The following PLPPR4 variants were observed in gnomAD, a reference collection of about 807,000 sequenced individuals.
PLPPR4 encodes the protein phospholipid phosphatase-related protein type 4.
PLPPR4 carries 24 observed loss-of-function variants against 56.6 expected under a neutral mutation model. The observed-to-expected ratio is 0.42, with a 90% CI of 0.31 to 0.60. The LOEUF is 0.60. PLPPR4 is among the 20% of genes least tolerant of loss of function. The probability of loss-of-function intolerance (pLI) is 0.13; values close to 1 mark genes in which losing one functional copy is unlikely to be tolerated. For synonymous variants in PLPPR4, 326 were observed against 328.1 expected (o/e 0.99, Z 0.07); for missense variants, 654 against 885.8 (o/e 0.74, Z 3.32).
At chr1:99,304,768 AGTG>A (rs1659976884) in intron 6 of PLPPR4, among the ~76,000 whole-genome samples, 1 of 152,216 alleles carries the variant, frequency 6.6e-6, no homozygotes, top group Admixed American at 6.5e-5. Flanking sequence ...AATAGTAGAC[AGTG>A]GTTACCGCCT....
Position 99,305,868 on chromosome 1 carries a change from A to G in PLPPR4, c.1006A>G (p.Ser336Gly), listed in dbSNP as rs749854071. Residue 336 changes from serine (S) to glycine (G), a missense_variant, in exon 7 of 7, where the codon AGC (serine) becomes GGC (glycine). By Grantham distance (56) the Ser-to-Gly change is moderately conservative. Coordinates refer to ENST00000370185, the MANE Select transcript of PLPPR4 (RefSeq NM_014839.5). ...CCTCAACCGAAACCACAGAGATGCT[A>G]GCTCTCTGACAAATCTCAAAAGAGC... The part of the protein sequence containing the change: ...GILNRNHRDA[S>G]SLTNLKRANA... The G allele has an allele frequency of 3.1e-6, 5 of 1,614,050 alleles. No individual in the cohort carries two copies. The highest frequency in any genetic ancestry group is 4.2e-6 in the Non-Finnish European group (5 of 1,179,906).
intron 1 of PLPPR4, among the ~76,000 whole-genome samples, chr1:99,279,006 T>C (rs1226526094): frequency 6.6e-6 from 1 of 152,198 alleles, no homozygotes; most frequent in East Asian, 1.9e-4. Context: ...TGTGGTAGAA[T>C]AAATGAAGAT....
Position 99,308,449 on chromosome 1 carries a change from G to A in PLPPR4, c.*1439G>A, listed in dbSNP as rs2100815947. 1 of 152,590 alleles carries A rather than the reference G, an allele frequency of 6.6e-6. No individual in the cohort carries two copies. Among genetic ancestry groups the A allele is most frequent in the Admixed American group, 6.5e-5 (1 of 15,280 alleles). 9.5% of individuals were successfully genotyped at this position (152,590 alleles called of 1,614,324 possible). A position where few individuals can be genotyped will look rare whatever the true frequency, so the allele number is the denominator to read the frequency against. On this transcript the variant is annotated 3_prime_UTR_variant, in exon 7 of 7. Coordinates refer to ENST00000370185, the MANE Select transcript of PLPPR4 (RefSeq NM_014839.5). The stretch of plus-strand genomic sequence containing the variant: ...GAAGAAGATAAAAACAAAATATTTT[G>A]GAGTGTTTTCCAACTTAAAGTATGA...
chr1:99,286,983 G>A (rs1344882957), intron 1 of PLPPR4, among the ~76,000 whole-genome samples: 1 of 152,108 alleles, frequency 6.6e-6, no homozygotes, highest in Non-Finnish European at 1.5e-5. Flanking sequence ...ATAAGCATAT[G>A]TGTGCCATAG....
intron 1 of PLPPR4, among the ~76,000 whole-genome samples, chr1:99,287,230 T>A (rs1031525028): frequency 1.3e-5 from 2 of 149,644 alleles, no homozygotes; most frequent in African/African-American, 4.9e-5. Flanking sequence ...TTCCTCTTTA[T>A]GGGTGCATAG....
At chr1:99,265,612 C>G (rs1289105438) in intron 1 of PLPPR4, among the ~76,000 whole-genome samples, 1 of 152,168 alleles carries the variant, frequency 6.6e-6, no homozygotes, top group Non-Finnish European at 1.5e-5. Flanking sequence ...AGGCACAAAA[C>G]TATATTCTGT....
At chr1:99,303,114 C>CTGTTGT (rs145380521) in intron 6 of PLPPR4, among the ~76,000 whole-genome samples, 2 of 151,962 alleles carry the variant, frequency 1.3e-5, no homozygotes, top group Non-Finnish European at 2.9e-5. Context: ...ATGTGTGTAG[C>CTGTTGT]TGTTGTTGTT....
rs746502889 is a variant in PLPPR4, at chr1:99,301,731, T to A, written c.656T>A (p.Phe219Tyr). 6.2e-7 allele frequency: 1 copy of A among 1,603,662 alleles called. No individual in the cohort carries two copies. Among genetic ancestry groups the A allele is most frequent in the South Asian group, 1.1e-5 (1 of 89,344 alleles). The stretch of plus-strand genomic sequence containing the variant: ...ATTTCTTCCATTTTTAAGATGTACT[T>A]CAATTCCACATTAACGGATTCCTCT... ...AFAAVYVSMY[F>Y]NSTLTDSSKL... Residue 219 changes from phenylalanine (F) to tyrosine (Y), a missense_variant, in exon 6 of 7, where the codon TTC becomes TAC. Around this residue, in one of 2 missense-constraint regions of PLPPR4, gnomAD observed 186 missense variants for 331.4 expected, o/e 0.56. Transcript: ENST00000370185.
intron 4 of PLPPR4, among the ~76,000 whole-genome samples, chr1:99,299,617 A>G (rs906181494): frequency 6.6e-6 from 1 of 151,836 alleles, no homozygotes; most frequent in African/African-American, 2.4e-5. Context: ...TGAAAGTTAT[A>G]TCTCCATTAT....
intron 1 of PLPPR4, among the ~76,000 whole-genome samples, chr1:99,266,442 G>T (rs1205817162): frequency 6.6e-6 from 1 of 152,228 alleles, no homozygotes; most frequent in Non-Finnish European, 1.5e-5. Flanking sequence ...CGCTTTTGAG[G>T]CATCTTTAAC....
At chr1:99,269,995 TTTTG>T (rs1467236038) in intron 1 of PLPPR4, among the ~76,000 whole-genome samples, 55 of 125,838 alleles carry the variant, frequency 4.4e-4, no homozygotes, top group Middle Eastern at 3.6e-3. Flanking sequence ...TTTTCATTCC[TTTTG>T]TGTGTGTGTG....
intron 1 of PLPPR4, among the ~76,000 whole-genome samples, chr1:99,271,466 G>A (rs1557773096): frequency 6.6e-6 from 1 of 152,154 alleles, no homozygotes; most frequent in Non-Finnish European, 1.5e-5. Flanking sequence ...CCCTGTCTGT[G>A]CTGTGACTTG....
rs776974412 is a variant in PLPPR4, at chr1:99,301,861, T to C, written c.786T>C (p.Cys262=). The C allele has an allele frequency of 1.1e-5, 18 of 1,611,898 alleles. No individual in the cohort carries two copies. The highest frequency in any genetic ancestry group is 1.5e-5 in the Non-Finnish European group (18 of 1,178,568). ...QYKNHPVDVY[C]GFLIGGGIAL... is the part of the protein sequence containing the mutation. ...AGAACCACCCAGTTGATGTCTATTG[T>C]GGCTTTTTAATAGGAGGAGGAATTG... The change falls in exon 6 of 7, where the codon TGT becomes TGC. Residue 262 remains cysteine (C), a synonymous_variant. Coordinates refer to ENST00000370185, the MANE Select transcript of PLPPR4 (RefSeq NM_014839.5).
In PLPPR4 at chr1:99,264,613, C is replaced by A. The variant is rs1279329323; in HGVS notation, c.20C>A (p.Pro7Gln). 1.3e-6 allele frequency: 2 copies of A among 1,550,584 alleles called. No homozygotes were observed. The highest frequency in any genetic ancestry group is 1.7e-6 in the Non-Finnish European group (2 of 1,146,990). Residue 7 changes from proline (P) to glutamine (Q), a missense_variant, in exon 1 of 7, where the codon CCA becomes CAA. Pro to Gln is a moderately conservative substitution (Grantham distance 76). Coordinates refer to ENST00000370185, the MANE Select transcript of PLPPR4 (RefSeq NM_014839.5). Reference protein sequence around the residue: MSAKERPKGKVIKDSVT... With the variant: MSAKERQKGKVIKDSVT... ...GCAGGGATGTCGGCGAAGGAGAGGC[C>A]AAAGGGCAAAGTGATCAAGGACAGC... is the stretch of plus-strand genomic sequence containing the variant.
intron 1 of PLPPR4, among the ~76,000 whole-genome samples, chr1:99,274,554 G>C (rs1349780939): frequency 6.6e-6 from 1 of 152,128 alleles, no homozygotes; most frequent in Non-Finnish European, 1.5e-5. Context: ...CAATGGTGGA[G>C]CAGTTTATTA....
At chr1:99,293,659 G>C (rs1029961367) in intron 2 of PLPPR4, among the ~76,000 whole-genome samples, 1 of 152,152 alleles carries the variant, frequency 6.6e-6, no homozygotes, top group African/African-American at 2.4e-5. Context: ...AATAGCCTTA[G>C]CTTTAGGAGG....
chr1:99,294,662 C>T (rs1659698663), intron 2 of PLPPR4, among the ~76,000 whole-genome samples: 1 of 149,944 alleles, frequency 6.7e-6, no homozygotes. Context: ...CACCATTGCA[C>T]TCCAGCCTGG....
chr1:99,302,774 T>C (rs1015095409), intron 6 of PLPPR4, among the ~76,000 whole-genome samples: 1 of 149,626 alleles, frequency 6.7e-6, no homozygotes, highest in Non-Finnish European at 1.5e-5. Flanking sequence ...GTTTGGTTTT[T>C]TATCTTTGTG....
chr1:99,270,853 A>C (rs1303415045), intron 1 of PLPPR4, among the ~76,000 whole-genome samples: 1 of 152,196 alleles, frequency 6.6e-6, no homozygotes, highest in Admixed American at 6.5e-5. Flanking sequence ...AAATGAGATG[A>C]GTTGGCAAGT....
Sources: gnomAD v4.1 joint callset for allele counts (sites outside exome capture counted in the v4.1 genomes callset) on GRCh38, gnomAD v4.1.1 for gene constraint, gnomAD v4.1.1 regional missense constraint, MANE v1.5 for transcripts, NCBI Gene and HGNC (gene_info 2026-07-23, HGNC 2026-07-21) for gene names.